EPB41L4A: variants seen among roughly 807,000 people sequenced by gnomAD.
EPB41L4A encodes erythrocyte membrane protein band 4.1 like 4A, also known as band 4.1-like protein 4A.
A neutral mutation model predicts 108.6 loss-of-function variants in EPB41L4A; 100 were observed. That is an observed-to-expected ratio of 0.92 (90% confidence interval 0.78 to 1.09). The LOEUF (loss-of-function observed/expected upper bound fraction) is 1.09, where lower values mean the gene tolerates loss of function less well. Ranked by LOEUF, EPB41L4A falls within the 50% of genes least tolerant of loss-of-function variation. The pLI is 0.00. For synonymous variants in EPB41L4A, 319 were observed against 289.0 expected (o/e 1.10, Z -1.05); for missense variants, 1,030 against 842.7 (o/e 1.22, Z -2.75).
chr5:112,312,197 C>T (rs1450458077), intron 1 of EPB41L4A, among the ~76,000 whole-genome samples: 1 of 152,026 alleles, frequency 6.6e-6, no homozygotes, highest in Non-Finnish European at 1.5e-5. Context: ...AAAACCAGCT[C>T]GGGAGTTTAC....
At chr5:112,323,053 TAGTCGTTGCCAAGAATCCATTCAG>T (rs1755906835) in intron 1 of EPB41L4A, among the ~76,000 whole-genome samples, 1 of 149,188 alleles carries the variant, frequency 6.7e-6, no homozygotes, top group Admixed American at 6.8e-5. Flanking sequence ...GAAAAAAGTA[TAGTCGTTGCCAAGAATCCATTCAG>T]AGTTCTGAAA....
chr5:112,151,268 A>G (rs1759454777), intron 12 of EPB41L4A, among the ~76,000 whole-genome samples: 1 of 151,952 alleles, frequency 6.6e-6, no homozygotes, highest in African/African-American at 2.4e-5. Flanking sequence ...TTAAAAATAT[A>G]CAATAATAGA....
In EPB41L4A at chr5:112,418,955, G is replaced by C; in HGVS notation, c.85C>G (p.Gln29Glu). The change falls in exon 1 of 23, where the codon CAG becomes GAG. Residue 29 changes from glutamine to glutamate, a missense_variant. Transcript: ENST00000261486. ...DESKLTLTTQ[Q>E]QGIKKSTKGS... is the part of the protein sequence containing the mutation. ...GCCGCACCCACCTTGATGCCCTGCTGCTGGGTGGTAAGGGTTAACTTGGAT... is the reference window on the plus strand; with the variant it reads ...GCCGCACCCACCTTGATGCCCTGCTCCTGGGTGGTAAGGGTTAACTTGGAT... 3 of 1,613,134 alleles carry C rather than the reference G, an allele frequency of 1.9e-6. No individual in the cohort carries two copies. Among genetic ancestry groups the C allele is most frequent in the Admixed American group, 3.3e-5 (2 of 59,970 alleles).
rs759417132 is a variant in EPB41L4A at position 112,165,111 on chromosome 5, TTTCTTCTC to T, written c.1933-1_1939del. 6.8e-7 allele frequency: 1 copy of T among 1,471,526 alleles called. No homozygotes were observed. Among genetic ancestry groups the T allele is most frequent in the Non-Finnish European group, 9.0e-7 (1 of 1,117,106 alleles). The allele number at this position is 1,471,526 out of a possible 1,614,324, so 91.2% of individuals were successfully genotyped here. ...TTCCATCAGGCTATCTTTAGACCCA[TTTCTTCTC>T]TAAAATATATTTGAAAAATGTAGAA... On this transcript the variant is annotated splice_acceptor_variant and coding_sequence_variant, in exon 23 of 23. Transcript: ENST00000261486. LOFTEE classifies it high-confidence loss of function.
intron 18 of EPB41L4A, 82 bp from the exon 19 acceptor site, chr5:112,171,074 C>A (rs1760553362): frequency 8.1e-7 from 1 of 1,230,998 alleles, no homozygotes; most frequent in Non-Finnish European, 1.2e-6. Context: ...AGTTTTCAGA[C>A]TGTGAAGTTC....
upstream of EPB41L4A, chr5:112,419,846 C>G (rs541001259): frequency 4.2e-5 from 19 of 456,762 alleles, no homozygotes; most frequent in East Asian, 1.3e-3. Context: ...CGTGTGTAGC[C>G]AAGTTCAAGC....
At chr5:112,418,152 C>G (rs771265051) in intron 1 of EPB41L4A, among the ~76,000 whole-genome samples, 1 of 152,150 alleles carries the variant, frequency 6.6e-6, no homozygotes. Flanking sequence ...CAAAACGCTC[C>G]GGATTTAGAT....
At chr5:112,329,543 C>A (rs1434361906) in intron 1 of EPB41L4A, among the ~76,000 whole-genome samples, 1 of 152,192 alleles carries the variant, frequency 6.6e-6, no homozygotes, top group Non-Finnish European at 1.5e-5. Context: ...TCCTAGACAA[C>A]ATCTAATACC....
chr5:112,302,912 T>C (rs143431285), intron 2 of EPB41L4A, among the ~76,000 whole-genome samples: 2 of 152,280 alleles, frequency 1.3e-5, no homozygotes, highest in Middle Eastern at 3.4e-3. Flanking sequence ...CCTGCCATCA[T>C]TGTTTCCCAG....
intron 1 of EPB41L4A, among the ~76,000 whole-genome samples, chr5:112,396,257 A>T (rs562061042): frequency 6.6e-6 from 1 of 152,356 alleles, no homozygotes; most frequent in Non-Finnish European, 1.5e-5. Context: ...ATTAAAAAAA[A>T]TTAAAAAAAA....
downstream of EPB41L4A, chr5:112,161,597 G>A (rs1759907841): frequency 3.9e-6 from 2 of 519,082 alleles, no homozygotes; most frequent in Admixed American, 1.9e-5. Flanking sequence ...CTTTGGTGTA[G>A]GAGCTGCATA....
intron 1 of EPB41L4A, among the ~76,000 whole-genome samples, chr5:112,379,503 G>C (rs1357524743): frequency 6.6e-6 from 1 of 152,180 alleles, no homozygotes; most frequent in East Asian, 1.9e-4. Context: ...GGGAAGAGGA[G>C]AAAGGTTATT....
intron 1 of EPB41L4A, among the ~76,000 whole-genome samples, chr5:112,335,562 A>G (rs906369787): frequency 6.6e-6 from 1 of 152,118 alleles, no homozygotes; most frequent in African/African-American, 2.4e-5. Flanking sequence ...CCAGTCAGAC[A>G]TTTTTACGAC....
At chr5:112,339,537 T>TAG (rs1757169587) in intron 1 of EPB41L4A, among the ~76,000 whole-genome samples, 5 of 88,924 alleles carry the variant, frequency 5.6e-5, no homozygotes, top group South Asian at 6.1e-4. Flanking sequence ...TCTATATATA[T>TAG]ATATATTTTT....
At chr5:112,309,595 C>A (rs1386127211) in intron 1 of EPB41L4A, among the ~76,000 whole-genome samples, 1 of 152,132 alleles carries the variant, frequency 6.6e-6, no homozygotes, top group Non-Finnish European at 1.5e-5. Context: ...AGCAAATTTA[C>A]CAAATGCCCT....
intron 1 of EPB41L4A, among the ~76,000 whole-genome samples, chr5:112,353,668 G>C (rs1758192780): frequency 6.6e-6 from 1 of 152,194 alleles, no homozygotes; most frequent in African/African-American, 2.4e-5. Context: ...AGAGAGGTCT[G>C]TTTCAGGTGG....
chr5:112,231,292 C>A (rs956708483), intron 12 of EPB41L4A, among the ~76,000 whole-genome samples: 1 of 152,010 alleles, frequency 6.6e-6, no homozygotes, highest in Non-Finnish European at 1.5e-5. Flanking sequence ...AGTTGAAAAC[C>A]CATGATTGTA....
At chr5:112,307,051 G>A (rs2150578355) in intron 2 of EPB41L4A, among the ~76,000 whole-genome samples, 1 of 151,904 alleles carries the variant, frequency 6.6e-6, no homozygotes, top group East Asian at 1.9e-4. Context: ...CAAGAGACTA[G>A]CCACTTGCCT....
chr5:112,386,824 A>T (rs550049405), intron 1 of EPB41L4A, among the ~76,000 whole-genome samples: 1 of 152,344 alleles, frequency 6.6e-6, no homozygotes, highest in African/African-American at 2.4e-5. Flanking sequence ...ACGGGAATAG[A>T]AAGTGATTCT....
Sources: gnomAD v4.1 joint callset for allele counts (sites outside exome capture counted in the v4.1 genomes callset) on GRCh38, gnomAD v4.1.1 for gene constraint, MANE v1.5 for transcripts, NCBI Gene and HGNC (gene_info 2026-07-23, HGNC 2026-07-21) for gene names.